USP49: variants seen among roughly 807,000 people sequenced by gnomAD.
USP49 encodes the protein ubiquitin specific peptidase 49.
USP49 carries 24 observed loss-of-function variants against 58.6 expected under a neutral mutation model. That is an observed-to-expected ratio of 0.41 (90% CI 0.30 to 0.58). The LOEUF (loss-of-function observed/expected upper bound fraction) is 0.58, where lower values mean the gene tolerates loss of function less well. USP49 is among the 20% of genes least tolerant of loss of function. The pLI, the probability that USP49 is intolerant of heterozygous loss-of-function variation, is 0.30. For missense variants in USP49, 703 were observed against 866.1 expected (o/e 0.81, Z 2.36); for synonymous variants, 408 against 365.1 (o/e 1.12, Z -1.34).
intron 6 of USP49, 89 bp from the exon 7 acceptor site, chr6:41,799,018 A>G (rs1772944787): frequency 6.7e-7 from 1 of 1,485,782 alleles, no homozygotes. Flanking sequence ...GGAAACTGAG[A>G]AAATTTAACC....
intron 3 of USP49, among the ~76,000 whole-genome samples, chr6:41,848,395 C>T (rs950363351): frequency 2.7e-5 from 4 of 150,804 alleles, no homozygotes; most frequent in South Asian, 4.1e-4. Flanking sequence ...TAGATAGGCT[C>T]GCACGCTGTT....
intron 2 of USP49, among the ~76,000 whole-genome samples, chr6:41,883,682 C>T (rs780922332): frequency 4.7e-4 from 71 of 151,724 alleles, no homozygotes; most frequent in Non-Finnish European, 7.5e-4. Context: ...TACTAAAAGG[C>T]CAAAATTAGA....
intron 3 of USP49, among the ~76,000 whole-genome samples, chr6:41,823,669 C>T (rs1226831705): frequency 1.3e-5 from 2 of 152,138 alleles, no homozygotes; most frequent in Non-Finnish European, 2.9e-5. Context: ...GGGCCACCAC[C>T]AAAAACTGTC....
chr6:41,813,047 T>C (rs1389497597), intron 3 of USP49, among the ~76,000 whole-genome samples: 1 of 152,220 alleles, frequency 6.6e-6, no homozygotes, highest in Non-Finnish European at 1.5e-5. Flanking sequence ...ACGTGACTAC[T>C]GAGCACTTGA....
chr6:41,853,662 G>A (rs1044397984), intron 3 of USP49, among the ~76,000 whole-genome samples: 1 of 152,086 alleles, frequency 6.6e-6, no homozygotes, highest in Non-Finnish European at 1.5e-5. Context: ...GATAGGTAAG[G>A]CCATCTCAAG....
At chr6:41,844,317 C>CTT (rs796794722) in intron 3 of USP49, among the ~76,000 whole-genome samples, 5 of 147,696 alleles carry the variant, frequency 3.4e-5, no homozygotes, top group African/African-American at 1.2e-4. Context: ...CAGTTTCTTT[C>CTT]TTTTTTTTTT....
At chr6:41,797,604 C>T (rs1179493410) in intron 7 of USP49, 41 of 985,642 alleles carry the variant, frequency 4.2e-5, no homozygotes, top group Non-Finnish European at 4.9e-5. Flanking sequence ...CCCCACACTT[C>T]CCATGGCAGG....
chr6:41,881,605 G>A (rs1396178366), intron 2 of USP49, among the ~76,000 whole-genome samples: 1 of 152,060 alleles, frequency 6.6e-6, no homozygotes, highest in Non-Finnish European at 1.5e-5. Context: ...AGTAGGCGTG[G>A]CTTTGTTTGA....
intron 3 of USP49, among the ~76,000 whole-genome samples, chr6:41,868,390 C>T (rs959035071): frequency 3.3e-5 from 5 of 152,036 alleles, no homozygotes; most frequent in Non-Finnish European, 5.9e-5. Flanking sequence ...TGCAATAGTG[C>T]GATCTTGGCT....
At chr6:41,804,094 T>C in intron 4 of USP49, 84 bp from the exon 5 acceptor site, 1 of 1,230,522 alleles carries the variant, frequency 8.1e-7, no homozygotes, top group Non-Finnish European at 1.1e-6. Flanking sequence ...AAGACACACT[T>C]TATCAAAACT....
At position 41,806,364 on chromosome 6, in the gene USP49, T is replaced by A. The variant is rs752158852; in HGVS notation, c.620A>T (p.Lys207Met). ...LEELASTPPR[K>M]SARLLLHTPR... is the part of the protein sequence containing the mutation. ...CGTGTGCAGGAGCAGCCGTGCACTC[T>A]TGCGCGGAGGGGTGCTGGCCAGCTC... is the stretch of plus-strand genomic sequence containing the variant. Residue 207 changes from lysine to methionine, a missense_variant, in exon 4 of 8, where the codon AAG becomes ATG. By Grantham distance (95) the Lys-to-Met change is moderately conservative. Coordinates refer to ENST00000682992, the MANE Select transcript of USP49 (RefSeq NM_001286554.2). The surrounding 1 kb of genome is among the most constrained non-coding windows in gnomAD (Gnocchi z 5.9). The A allele has an allele frequency of 1.3e-6, 2 of 1,535,858 alleles. No homozygotes were observed. Among genetic ancestry groups the A allele is most frequent in the Non-Finnish European group, 1.7e-6 (2 of 1,152,234 alleles).
intron 3 of USP49, among the ~76,000 whole-genome samples, chr6:41,813,720 G>C: frequency 6.6e-6 from 1 of 152,158 alleles, no homozygotes; most frequent in East Asian, 1.9e-4. Context: ...GGGCTACTTT[G>C]CACCTCACCA....
chr6:41,796,732 C>T lies in USP49; in HGVS notation c.1877-9G>A. ...GCAGTGGACCCAAAAACCTAGGAAACCAAAGGAGAAAAAGAGAGAAAATGA... is the reference window on the plus strand; with the variant it reads ...GCAGTGGACCCAAAAACCTAGGAAATCAAAGGAGAAAAAGAGAGAAAATGA... On this transcript the variant is annotated splice_polypyrimidine_tract_variant and intron_variant, in intron 7 of 7. Coordinates refer to ENST00000682992, the MANE Select transcript of USP49 (RefSeq NM_001286554.2). 1 of 713,360 alleles carries T rather than the reference C, an allele frequency of 1.4e-6. No homozygotes were observed. Among genetic ancestry groups the T allele is most frequent in the Non-Finnish European group, 2.6e-6 (1 of 383,694 alleles). 44.2% of individuals were successfully genotyped at this position (713,360 alleles called of 1,614,324 possible). A position where few individuals can be genotyped will look rare whatever the true frequency, so the allele number is the denominator to read the frequency against.
At chr6:41,832,530 C>T (rs914891222) in intron 3 of USP49, among the ~76,000 whole-genome samples, 2 of 152,104 alleles carry the variant, frequency 1.3e-5, no homozygotes, top group Non-Finnish European at 2.9e-5. Flanking sequence ...AAAACAAGCA[C>T]GGTAAGGATG....
chr6:41,816,007 C>T (rs936382388), intron 3 of USP49, among the ~76,000 whole-genome samples: 3 of 152,204 alleles, frequency 2.0e-5, no homozygotes, highest in African/African-American at 4.8e-5. Flanking sequence ...AGGGGCTATC[C>T]CTGTGGCCAT....
chr6:41,887,853 C>A (rs778417170), intron 2 of USP49, among the ~76,000 whole-genome samples: 1 of 152,044 alleles, frequency 6.6e-6, no homozygotes, highest in Non-Finnish European at 1.5e-5. Flanking sequence ...TAATAAAAAA[C>A]CCTGAAAATT....
At chr6:41,880,448 C>A (rs1774583726) in intron 2 of USP49, among the ~76,000 whole-genome samples, 1 of 152,064 alleles carries the variant, frequency 6.6e-6, no homozygotes, top group South Asian at 2.1e-4. Context: ...CTCCAAGCGT[C>A]CAGCATAACA....
intron 3 of USP49, among the ~76,000 whole-genome samples, chr6:41,859,956 T>A (rs1774192028): frequency 6.6e-6 from 1 of 152,196 alleles, no homozygotes. Flanking sequence ...ATACTTAATA[T>A]ATTGGCAAGA....
chr6:41,843,736 T>C (rs569822928), intron 3 of USP49, among the ~76,000 whole-genome samples: 9 of 151,984 alleles, frequency 5.9e-5, no homozygotes, highest in Middle Eastern at 3.4e-3. Context: ...GGCAAAACCC[T>C]GTCTCTAATA....
Sources: allele counts gnomAD v4.1 joint callset (sites outside exome capture counted in the v4.1 genomes callset), GRCh38; gene constraint gnomAD v4.1.1; non-coding constraint Gnocchi (gnomAD v3.1); transcripts MANE v1.5; gene names NCBI Gene and HGNC (gene_info 2026-07-23, HGNC 2026-07-21).